PCDHA1: variants seen among roughly 807,000 people sequenced by gnomAD.
PCDHA1 encodes protocadherin alpha-1.
Under a neutral mutation model 61.3 loss-of-function variants are expected in PCDHA1, and 42 were observed. That is an observed-to-expected ratio of 0.69 (90% CI 0.54 to 0.89). PCDHA1 has a LOEUF of 0.89. Among genes scored for constraint, PCDHA1 ranks in the 40% least tolerant of loss-of-function variants. The pLI, the probability that PCDHA1 is intolerant of heterozygous loss-of-function variation, is 0.00. For synonymous variants in PCDHA1, 610 were observed against 553.8 expected (o/e 1.10, Z -1.43); for missense variants, 1,256 against 1,235.3 (o/e 1.02, Z -0.25).
chr5:140,864,277 T>C (rs1203382304), intron 1 of PCDHA1: 1 of 152,228 alleles, frequency 6.6e-6, no homozygotes, highest in African/African-American at 2.4e-5. Context: ...CTCCATTCCT[T>C]ATTGTTTTTA....
In PCDHA1 at chr5:140,854,965, C is replaced by T. The variant is rs951485051; in HGVS notation, c.2394+66281C>T. Among the ~76,000 whole-genome samples the T allele has an allele frequency of 4.0e-5, 6 of 149,774 alleles. 1 individual carries two copies. Among genetic ancestry groups the T allele is most frequent in the African/African-American group, 1.5e-4 (6 of 40,950 alleles). ...TAATAAATTTCTTAATTACTTTATT[C>T]AGAATTATAATTAAGATTCTTTTTG... On this transcript the variant is annotated intron_variant, in intron 1 of 3. Coordinates refer to ENST00000504120, the MANE Select transcript of PCDHA1 (RefSeq NM_018900.4).
chr5:140,823,974 G>A, intron 1 of PCDHA1: 1 of 1,614,122 alleles, frequency 6.2e-7, no homozygotes, highest in African/African-American at 1.3e-5. Context: ...TGTGCACACG[G>A]GGCAAGCCCA....
At chr5:140,839,989 T>C (rs1776506431) in intron 1 of PCDHA1, among the ~76,000 whole-genome samples, 1 of 152,120 alleles carries the variant, frequency 6.6e-6, no homozygotes, top group Non-Finnish European at 1.5e-5. Context: ...GGAAAGTGGT[T>C]AGCCTTAGCA....
At chr5:140,942,638 A>T (rs1478847405) in intron 1 of PCDHA1, among the ~76,000 whole-genome samples, 1 of 152,122 alleles carries the variant, frequency 6.6e-6, no homozygotes, top group Non-Finnish European at 1.5e-5. Context: ...AAATGGCAAA[A>T]GAGATCTCAT....
At chr5:140,956,057 T>C (rs2095252530) in intron 1 of PCDHA1, among the ~76,000 whole-genome samples, 1 of 152,308 alleles carries the variant, frequency 6.6e-6, no homozygotes, top group South Asian at 2.1e-4. Flanking sequence ...GCTGAGACAA[T>C]GGGGTTTTCC....
intron 1 of PCDHA1, chr5:140,883,089 A>G (rs1403331305): frequency 1.1e-5 from 17 of 1,614,038 alleles, no homozygotes; most frequent in Non-Finnish European, 1.4e-5. Context: ...GATGGTACAA[A>G]TGGAGATATA....
chr5:141,001,468 G>A (rs1375908420), intron 3 of PCDHA1, among the ~76,000 whole-genome samples: 1 of 152,226 alleles, frequency 6.6e-6, no homozygotes, highest in African/African-American at 2.4e-5. Context: ...GGACTAAGCA[G>A]CAGCGGGGAA....
At chr5:140,851,290 G>A (rs2042014989) in intron 1 of PCDHA1, 2 of 1,033,710 alleles carry the variant, frequency 1.9e-6, no homozygotes, top group Non-Finnish European at 2.4e-6. Flanking sequence ...AGAAACCCAA[G>A]CAAAAATATA....
At chr5:140,955,241 A>T (rs1554221829) in intron 1 of PCDHA1, among the ~76,000 whole-genome samples, 1 of 152,114 alleles carries the variant, frequency 6.6e-6, no homozygotes, top group East Asian at 1.9e-4. Context: ...TTTGCTTAGG[A>T]TCGGCTTGGC....
chr5:140,821,502 A>G (rs910748629), intron 1 of PCDHA1: 2 of 346,068 alleles, frequency 5.8e-6, no homozygotes, highest in South Asian at 1.4e-4. Flanking sequence ...ATTGACGAAT[A>G]TAAGCTAAAT....
chr5:140,823,483 G>T (rs782459189), intron 1 of PCDHA1: 3 of 1,613,434 alleles, frequency 1.9e-6, no homozygotes, highest in Non-Finnish European at 1.7e-6. Context: ...GCCTCGAGTG[G>T]GTGGCACCGG....
intron 1 of PCDHA1, chr5:140,817,117 C>T (rs2126677661): frequency 1.3e-5 from 2 of 152,222 alleles, no homozygotes; most frequent in Non-Finnish European, 2.9e-5. Flanking sequence ...TTCTGAGCTG[C>T]CCTCAGGATT....
chr5:140,808,304 A>T, intron 1 of PCDHA1: 1 of 1,614,268 alleles, frequency 6.2e-7, no homozygotes, highest in Non-Finnish European at 8.5e-7. Context: ...CGCCCTGATC[A>T]GCGTGTCCGA....
At chr5:140,815,977 T>C (rs1431471827) in intron 1 of PCDHA1, 1 of 152,222 alleles carries the variant, frequency 6.6e-6, no homozygotes, top group Non-Finnish European at 1.5e-5. Context: ...TTGTACGTGA[T>C]GAGGCATTTT....
At chr5:140,884,119 C>T (rs782009154) in intron 1 of PCDHA1, 1 of 1,613,310 alleles carries the variant, frequency 6.2e-7, no homozygotes. Context: ...CGGCGGTCGG[C>T]GCGCGCATCC....
At chr5:140,881,399 T>A in intron 1 of PCDHA1, 1 of 975,578 alleles carries the variant, frequency 1.0e-6, no homozygotes, top group Non-Finnish European at 1.2e-6. Flanking sequence ...TTAAATTCTA[T>A]TAAATCAATA....
Position 140,787,092 on chromosome 5 carries a change from G to A in PCDHA1, c.802G>A (p.Asp268Asn). The A allele has an allele frequency of 1.9e-6, 3 of 1,614,206 alleles. No individual in the cohort carries two copies. The highest frequency in any genetic ancestry group is 2.5e-6 in the Non-Finnish European group (3 of 1,180,014). The change falls in exon 1 of 4, where the codon GAT becomes AAT. Residue 268 changes from aspartate to asparagine, a missense_variant. Coordinates refer to ENST00000504120, the MANE Select transcript of PCDHA1 (RefSeq NM_018900.4). ...ATTAGTGACCACATTAAATGCCTCT[G>A]ATGCTGACGAAGGTGTAAATGGTGA... The part of the protein sequence containing the change: ...GTLVTTLNAS[D>N]ADEGVNGEVV...
At chr5:140,794,809 T>C (rs981034011) in intron 1 of PCDHA1, 5 of 790,962 alleles carry the variant, frequency 6.3e-6, no homozygotes, top group South Asian at 1.9e-5. Context: ...CTGTCCACCA[T>C]AGAGTGTTCT....
intron 1 of PCDHA1, chr5:140,877,012 A>G: frequency 6.2e-7 from 1 of 1,612,352 alleles, no homozygotes; most frequent in Non-Finnish European, 8.5e-7. Flanking sequence ...GCACGCGGAG[A>G]GCGGCAAGGT....
Sources: gnomAD v4.1 joint callset for allele counts (sites outside exome capture counted in the v4.1 genomes callset) on GRCh38, gnomAD v4.1.1 for gene constraint, MANE v1.5 for transcripts, NCBI Gene and HGNC (gene_info 2026-07-23, HGNC 2026-07-21) for gene names.